Variants in MYBPC1 observed in about 807,000 individuals in gnomAD.
MYBPC1 encodes myosin binding protein C1, also known as myosin-binding protein C, slow-type.
MYBPC1 carries 52 observed loss-of-function variants against 147.1 expected under a neutral mutation model. The observed-to-expected ratio is 0.35, with a 90% CI of 0.28 to 0.45. The LOEUF (loss-of-function observed/expected upper bound fraction) is 0.45. Ranked by LOEUF, MYBPC1 falls within the 20% of genes least tolerant of loss-of-function variation. MYBPC1 has a pLI of 1.00. For missense variants in MYBPC1, 1,228 were observed against 1,440.3 expected (o/e 0.85, Z 2.39); for synonymous variants, 477 against 475.9 (o/e 1.00, Z -0.03).
At chr12:101,695,206 T>C in the MYBPC1 span, among the ~76,000 whole-genome samples, 1 of 152,298 alleles carries the variant, frequency 6.6e-6, no homozygotes, top group East Asian at 1.9e-4. Flanking sequence ...AGAGACATAT[T>C]CCAAGACCCA....
At chr12:101,690,036 G>A (rs1029813168), downstream of MYBPC1, among the ~76,000 whole-genome samples, 10 of 152,286 alleles carry the variant, frequency 6.6e-5, no homozygotes, top group East Asian at 1.9e-4. Context: ...TTAGCCAGGC[G>A]TGGTGGCGCG....
At chr12:101,694,063 C>T in the MYBPC1 span, among the ~76,000 whole-genome samples, 5 of 152,184 alleles carry the variant, frequency 3.3e-5, no homozygotes, top group Non-Finnish European at 7.3e-5. Flanking sequence ...CTGACACCAT[C>T]GAGCTGCCAT....
At position 101,644,675 on chromosome 12, in the gene MYBPC1, A is replaced by G. The variant is rs1203786984; in HGVS notation, c.844A>G (p.Ile282Val). 6.2e-7 allele frequency: 1 copy of G among 1,613,844 alleles called. No individual in the cohort carries two copies. Among genetic ancestry groups the G allele is most frequent in the South Asian group, 1.1e-5 (1 of 91,068 alleles). ...TTCTATTCTATCAGCTTTTGCAAAA[A>G]TTCTTGATCCTGCATATCAGGTTGA... The part of the protein sequence containing the change: ...EEKKSAAFAK[I>V]LDPAYQVDKG... The change falls in exon 12 of 32, where the codon ATT becomes GTT. Residue 282 changes from isoleucine to valine, a missense_variant. Transcript: ENST00000361466.
intron 3 of MYBPC1, 108 bp from the exon 4 acceptor site, chr12:101,626,764 A>G: frequency 1.0e-6 from 1 of 954,842 alleles, no homozygotes; most frequent in Non-Finnish European, 1.7e-6. Context: ...TCAGCAGTTG[A>G]AAGTGTATTG....
rs779191051 is a variant in MYBPC1 at position 101,614,507 on chromosome 12, C to T, written c.37C>T (p.Pro13Ser). ...EPTKKEENEV[P>S]APAPPPEEPS... ...CTTTCCATTTCTAGAAAATGAAGTG[C>T]CAGCCCCAGCCCCACCCCCGGAAGG... Residue 13 changes from proline (P) to serine (S), a missense_variant, in exon 2 of 32, where the codon CCA becomes TCA. By Grantham distance (74) the Pro-to-Ser change is moderately conservative. This residue lies in a region of MYBPC1 where 151 missense variants were observed against 126.1 expected (regional missense o/e 1.20). Coordinates refer to ENST00000361466, the MANE Select transcript of MYBPC1 (RefSeq NM_002465.4). 6.2e-6 allele frequency: 10 copies of T among 1,613,762 alleles called. No homozygotes were observed. The highest frequency in any genetic ancestry group is 8.5e-6 in the Non-Finnish European group (10 of 1,179,882).
intron 16 of MYBPC1, 35 bp from the exon 17 acceptor site, chr12:101,652,643 G>T: frequency 1.4e-6 from 2 of 1,456,744 alleles, no homozygotes; most frequent in African/African-American, 1.4e-5. Flanking sequence ...CTAGATCTTT[G>T]GAGTCTTAGA....
intron 11 of MYBPC1, 51 bp from the exon 12 acceptor site, chr12:101,644,613 T>A (rs199565815): frequency 1.5e-5 from 23 of 1,517,330 alleles, no homozygotes; most frequent in Middle Eastern, 1.7e-4. Context: ...TTTAAATTCA[T>A]AGCATATGTA....
At chr12:101,626,795 TTC>T in intron 3 of MYBPC1, 75 bp from the exon 4 acceptor site, 1 of 1,257,024 alleles carries the variant, frequency 8.0e-7, no homozygotes, top group Admixed American at 1.7e-5. Flanking sequence ...CATCTTCTTT[TTC>T]AGATTTCTCT....
chr12:101,687,225 C>CAA (rs1566028313), downstream of MYBPC1, among the ~76,000 whole-genome samples: 29 of 151,988 alleles, frequency 1.9e-4, no homozygotes, highest in African/African-American at 5.8e-4. Flanking sequence ...CCTCCCCGCT[C>CAA]CCCCCACCCC....
intron 9 of MYBPC1, among the ~76,000 whole-genome samples, chr12:101,635,201 AG>A (rs1456768149): frequency 6.6e-6 from 1 of 152,228 alleles, no homozygotes; most frequent in African/African-American, 2.4e-5. Flanking sequence ...GGGGCGGTCA[AG>A]GAAGAAATGT....
downstream of MYBPC1, among the ~76,000 whole-genome samples, chr12:101,689,531 T>C (rs1021782389): frequency 4.0e-5 from 6 of 151,628 alleles, no homozygotes; most frequent in Admixed American, 2.0e-4. Context: ...TTGACTGTTA[T>C]ATTAGGGTTC....
At chr12:101,688,947 G>T, downstream of MYBPC1, among the ~76,000 whole-genome samples, 2 of 110,770 alleles carry the variant, frequency 1.8e-5, no homozygotes, top group East Asian at 2.6e-4. Context: ...GAGCCAGACC[G>T]TATCTCAAAA....
chr12:101,673,333 G>A (rs2136705422), intron 24 of MYBPC1, 94 bp from the exon 25 acceptor site: 3 of 1,313,006 alleles, frequency 2.3e-6, no homozygotes. Context: ...GCCCTGCCTA[G>A]AATGGGTTAA....
Position 101,631,691 on chromosome 12 carries a change from T to C in MYBPC1, c.410T>C (p.Leu137Pro). Residue 137 changes from leucine (L) to proline (P), a missense_variant, in exon 7 of 32, where the codon CTG becomes CCG. By Grantham distance (98) the Leu-to-Pro change is moderately conservative. This residue lies in a region of MYBPC1 where 1,077 missense variants were observed against 1,314.2 expected (regional missense o/e 0.82). Transcript: ENST00000361466. ...AGCAAAGCCGGGAAGCACCTTCAGC[T>C]GAAGGAAACCTTTGAGAGGCACAGT... is the stretch of plus-strand genomic sequence containing the variant. The part of the protein sequence containing the change: ...LASKAGKHLQ[L>P]KETFERHSRV... The C allele has an allele frequency of 6.2e-7, 1 of 1,614,204 alleles. No homozygotes were observed. The highest frequency in any genetic ancestry group is 8.5e-7 in the Non-Finnish European group (1 of 1,180,032).
chr12:101,695,724 G>A, the MYBPC1 span, among the ~76,000 whole-genome samples: 77,603 of 151,904 alleles, frequency 0.51, 20,808 homozygotes, highest in Admixed American at 0.6. Context: ...GGATATTGGA[G>A]CAGAGAGACA....
At chr12:101,622,492 T>C (rs1887652368) in intron 3 of MYBPC1, among the ~76,000 whole-genome samples, 1 of 152,178 alleles carries the variant, frequency 6.6e-6, no homozygotes, top group African/African-American at 2.4e-5. Flanking sequence ...CCTAGCACTT[T>C]GGGAGGCTGA....
chr12:101,675,719 T>A (rs1448683803), intron 26 of MYBPC1, among the ~76,000 whole-genome samples: 1 of 152,244 alleles, frequency 6.6e-6, no homozygotes, highest in African/African-American at 2.4e-5. Context: ...CTTGCTTGAT[T>A]ATTACAAAGC....
intron 11 of MYBPC1, among the ~76,000 whole-genome samples, chr12:101,643,018 G>A (rs1892385406): frequency 6.6e-6 from 1 of 152,118 alleles, no homozygotes; most frequent in African/African-American, 2.4e-5. Flanking sequence ...CTCCGTGGGG[G>A]TCTGAAATGG....
intron 15 of MYBPC1, 102 bp downstream of exon 15, chr12:101,649,528 T>C (rs1893951919): frequency 1.5e-6 from 2 of 1,338,876 alleles, no homozygotes; most frequent in Admixed American, 1.7e-5. Context: ...TTTGCGATGA[T>C]TTTTAAGTAT....
Sources: gnomAD v4.1 joint callset for allele counts (sites outside exome capture counted in the v4.1 genomes callset) on GRCh38, gnomAD v4.1.1 for gene constraint, gnomAD v4.1.1 regional missense constraint, MANE v1.5 for transcripts, NCBI Gene and HGNC (gene_info 2026-07-23, HGNC 2026-07-21) for gene names.